The following STAB2 variants were observed in gnomAD, a reference collection of about 807,000 sequenced individuals.
STAB2 encodes stabilin 2.
Under a neutral mutation model 338.1 loss-of-function variants are expected in STAB2, and 288 were observed. That is an observed-to-expected ratio of 0.85 (90% CI 0.77 to 0.94). The LOEUF is 0.94. STAB2 is among the 40% of genes least tolerant of loss of function. STAB2 has a pLI of 0.00. For synonymous variants in STAB2, 1,202 were observed against 1,193.3 expected (o/e 1.01, Z -0.15); for missense variants, 3,141 against 3,210.1 (o/e 0.98, Z 0.52).
intron 9 of STAB2, among the ~76,000 whole-genome samples, chr12:103,646,343 T>C (rs1250668183): frequency 2.6e-5 from 4 of 152,212 alleles, no homozygotes; most frequent in Admixed American, 2.0e-4. Context: ...AAACTTCATT[T>C]ATCTCTCTAC....
Position 103,660,686 on chromosome 12 carries a change from G to T in STAB2, c.1792G>T (p.Glu598Ter). Reference protein sequence around the residue: ...RYHIVPFTQLEVATLISTPHI... With the variant: ...RYHIVPFTQL The stretch of plus-strand genomic sequence containing the variant: ...TTTTGTTCTCTTCTTATTGCAGCTT[G>T]AAGTGGCCACTCTCATCTCCACCCC... Residue 598 changes from glutamate to a stop codon, truncating the protein, a stop_gained, in exon 17 of 69, where the codon GAA (glutamate) becomes TAA (stop). Transcript: ENST00000388887. LOFTEE classifies it high-confidence loss of function. 1.2e-6 allele frequency: 2 copies of T among 1,614,032 alleles called. No individual in the cohort carries two copies. The highest frequency in any genetic ancestry group is 8.5e-7 in the Non-Finnish European group (1 of 1,180,006).
chr12:103,624,957 A>G (rs2138645311), intron 5 of STAB2, among the ~76,000 whole-genome samples: 1 of 151,964 alleles, frequency 6.6e-6, no homozygotes, highest in Non-Finnish European at 1.5e-5. Flanking sequence ...AAAAAAAAAA[A>G]AAAAGGATAT....
intron 57 of STAB2, 121 bp from the exon 58 acceptor site, chr12:103,746,476 G>T: frequency 1.2e-6 from 1 of 815,418 alleles, no homozygotes; most frequent in South Asian, 1.6e-5. Flanking sequence ...CCATCTTCCT[G>T]CTGTACAGGG....
chr12:103,630,238 T>C (rs756209721), intron 5 of STAB2, among the ~76,000 whole-genome samples: 2 of 151,882 alleles, frequency 1.3e-5, no homozygotes, highest in East Asian at 1.9e-4. Context: ...ATGGCACCAG[T>C]GGAGATGAAG....
intron 3 of STAB2, among the ~76,000 whole-genome samples, chr12:103,613,422 AGTTTGATCTCAGACT>A (rs1261455151): frequency 3.9e-5 from 6 of 152,120 alleles, no homozygotes; most frequent in African/African-American, 1.4e-4. Flanking sequence ...GCCGCCTTGC[AGTTTGATCTCAGACT>A]GCTGTGCTAG....
chr12:103,736,788 T>G (rs1390535652), intron 52 of STAB2, among the ~76,000 whole-genome samples: 1 of 152,144 alleles, frequency 6.6e-6, no homozygotes, highest in African/African-American at 2.4e-5. Flanking sequence ...TTTCTGGTGT[T>G]CCTTCCACTG....
intron 53 of STAB2, 111 bp downstream of exon 53, chr12:103,737,891 C>A: frequency 7.1e-7 from 1 of 1,411,994 alleles, no homozygotes; most frequent in Non-Finnish European, 9.5e-7. Flanking sequence ...CTCAGCAAGA[C>A]TAGGACCCAG....
intron 41 of STAB2, among the ~76,000 whole-genome samples, chr12:103,713,361 G>C (rs377259848): frequency 6.6e-6 from 1 of 152,130 alleles, no homozygotes; most frequent in African/African-American, 2.4e-5. Context: ...CTGCTTTCTA[G>C]ACCATCTTAC....
rs1273350914 is a variant in STAB2 at position 103,676,026 on chromosome 12, G to A, written c.2646+5G>A. 1 of 1,371,768 alleles carries A rather than the reference G, an allele frequency of 7.3e-7. No homozygotes were observed. The highest frequency in any genetic ancestry group is 1.0e-6 in the Non-Finnish European group (1 of 984,070). The allele number at this position is 1,371,768 out of a possible 1,614,324, so 85.0% of individuals were successfully genotyped here. ...CCAGGAGGCTGTAGCCGCAATGTGA[G>A]TACTGGTCTTCATTTCCACCCTGCC... On this transcript the variant is annotated splice_donor_5th_base_variant and intron_variant, in intron 24 of 68. Coordinates refer to ENST00000388887, the MANE Select transcript of STAB2 (RefSeq NM_017564.10).
intron 27 of STAB2, among the ~76,000 whole-genome samples, chr12:103,685,816 AAATATACATATATAATTTACCATCT>A (rs1217139699): frequency 3.9e-5 from 6 of 152,268 alleles, no homozygotes; most frequent in Non-Finnish European, 8.8e-5. Flanking sequence ...TATTGAGGTA[AAATATACATATATAATTTACCATCT>A]TTACCATTTC....
chr12:103,660,091 A>C (rs1874480334), intron 15 of STAB2, among the ~76,000 whole-genome samples: 1 of 152,230 alleles, frequency 6.6e-6, no homozygotes, highest in Admixed American at 6.5e-5. Flanking sequence ...TCCCCACCTC[A>C]CACGGCTGTT....
intron 3 of STAB2, among the ~76,000 whole-genome samples, chr12:103,614,248 T>C (rs6539091): frequency 0.32 from 48,896 of 152,050 alleles, 10,026 homozygotes; most frequent in African/African-American, 0.58. Context: ...CATTTTGAGG[T>C]GTACCCTGTG....
chr12:103,705,059 G>A (rs1879223550), intron 36 of STAB2: 1 of 157,100 alleles, frequency 6.4e-6, no homozygotes, highest in East Asian at 1.9e-4. Context: ...CATGTTTCTT[G>A]TTGCTATTTA....
chr12:103,604,295 T>A (rs1956994990), intron 3 of STAB2, among the ~76,000 whole-genome samples: 1 of 152,146 alleles, frequency 6.6e-6, no homozygotes, highest in South Asian at 2.1e-4. Context: ...TTTGTGTCTG[T>A]ACTCATTGGG....
At chr12:103,620,751 G>A (rs181559861) in intron 4 of STAB2, among the ~76,000 whole-genome samples, 198 bp downstream of exon 4, 1 of 152,282 alleles carries the variant, frequency 6.6e-6, no homozygotes, top group Admixed American at 6.5e-5. Flanking sequence ...TATAGCCTGG[G>A]GGCCTTTAGG....
At chr12:103,683,394 A>G (rs1877109282) in intron 26 of STAB2, 94 bp downstream of exon 26, 1 of 1,107,244 alleles carries the variant, frequency 9.0e-7, no homozygotes, top group Admixed American at 2.6e-5. Flanking sequence ...CTAGTGATGA[A>G]CAAAATCTCT....
At chr12:103,713,197 C>T (rs1880023048) in intron 41 of STAB2, among the ~76,000 whole-genome samples, 2 of 152,160 alleles carry the variant, frequency 1.3e-5, no homozygotes, top group Admixed American at 6.5e-5. Flanking sequence ...TAGAACAGAC[C>T]CAGCACATAG....
chr12:103,722,286 T>C (rs752664416), intron 44 of STAB2, among the ~76,000 whole-genome samples: 2 of 152,178 alleles, frequency 1.3e-5, no homozygotes, highest in African/African-American at 2.4e-5. Flanking sequence ...TTATCAAGTA[T>C]AGTGTCAACA....
intron 3 of STAB2, among the ~76,000 whole-genome samples, chr12:103,608,377 C>T (rs974328128): frequency 2.2e-4 from 34 of 152,208 alleles, no homozygotes; most frequent in South Asian, 1.0e-3. Flanking sequence ...CTCCTGACCT[C>T]GTGATCCGCC....
Sources: allele counts gnomAD v4.1 joint callset (sites outside exome capture counted in the v4.1 genomes callset), GRCh38; gene constraint gnomAD v4.1.1; transcripts MANE v1.5; gene names NCBI Gene and HGNC (gene_info 2026-07-23, HGNC 2026-07-21).